The following GLIS3 variants were observed in gnomAD, a reference collection of about 807,000 sequenced individuals.
GLIS3 encodes the protein GLIS family zinc finger 3.
GLIS3 carries 53 observed loss-of-function variants against 78.6 expected under a neutral mutation model. The ratio of observed to expected loss-of-function variants is 0.67; its 90% CI spans 0.54 to 0.85. GLIS3 has a LOEUF of 0.85. Ranked by LOEUF, GLIS3 falls within the 40% of genes least tolerant of loss-of-function variation. The pLI is 0.00. For missense variants in GLIS3, 1,703 were observed against 1,231.1 expected, an observed-to-expected ratio of 1.38 and a Z score of -5.74; for synonymous variants, 684 against 509.9, an observed-to-expected ratio of 1.34 and a Z score of -4.60.
At chr9:4,277,454 C>T (rs1307899879) in intron 2 of GLIS3, among the ~76,000 whole-genome samples, 1 of 152,194 alleles carries the variant, frequency 6.6e-6, no homozygotes, top group Non-Finnish European at 1.5e-5. Context: ...CCCAGGTTCT[C>T]ACAATACATT....
chr9:3,969,205 G>C (rs962794630), intron 4 of GLIS3, among the ~76,000 whole-genome samples: 1 of 152,202 alleles, frequency 6.6e-6, no homozygotes, highest in Admixed American at 6.5e-5. Context: ...AGGTAAAACA[G>C]ACGATTAATT....
At chr9:4,466,664 A>T in the GLIS3 span, among the ~76,000 whole-genome samples, 4 of 152,202 alleles carry the variant, frequency 2.6e-5, no homozygotes, top group Non-Finnish European at 5.9e-5. Context: ...AACTAGGTGG[A>T]GGTTCCAAGA....
chr9:4,055,887 G>T (rs555139600), intron 4 of GLIS3, among the ~76,000 whole-genome samples: 3 of 152,310 alleles, frequency 2.0e-5, no homozygotes, highest in South Asian at 2.1e-4. Context: ...GTAAAATTGG[G>T]TTGAATGAAC....
intron 2 of GLIS3, among the ~76,000 whole-genome samples, chr9:4,224,589 C>T (rs1171903334): frequency 1.3e-5 from 2 of 152,168 alleles, no homozygotes; most frequent in African/African-American, 2.4e-5. Flanking sequence ...AAATCCAGAA[C>T]CAAATCTCTG....
intron 9 of GLIS3, among the ~76,000 whole-genome samples, chr9:3,847,157 C>G (rs1020796122): frequency 2.0e-5 from 3 of 152,076 alleles, no homozygotes; most frequent in African/African-American, 7.2e-5. Context: ...GTACTCCAGC[C>G]TGGGCGACAG....
At chr9:3,831,140 AT>A (rs1178248566) in intron 9 of GLIS3, among the ~76,000 whole-genome samples, 1 of 151,730 alleles carries the variant, frequency 6.6e-6, no homozygotes, top group Non-Finnish European at 1.5e-5. Context: ...TTTATATAGA[AT>A]CAAAAGAAAA....
intron 6 of GLIS3, among the ~76,000 whole-genome samples, chr9:3,931,825 T>C (rs1241788593): frequency 6.6e-6 from 1 of 152,192 alleles, no homozygotes; most frequent in Non-Finnish European, 1.5e-5. Context: ...TTCAATTCCT[T>C]TTTCAGATTT....
intron 4 of GLIS3, among the ~76,000 whole-genome samples, chr9:3,959,384 C>G (rs1817383242): frequency 6.6e-6 from 1 of 152,164 alleles, no homozygotes; most frequent in Non-Finnish European, 1.5e-5. Flanking sequence ...TTTATAAGCC[C>G]CCTAGTCTGT....
At chr9:3,953,592 A>G (rs753780056) in intron 4 of GLIS3, among the ~76,000 whole-genome samples, 4 of 152,202 alleles carry the variant, frequency 2.6e-5, no homozygotes, top group Non-Finnish European at 4.4e-5. Flanking sequence ...ATTTCTTTGT[A>G]CAAATGGTTT....
the GLIS3 span, among the ~76,000 whole-genome samples, chr9:4,371,438 G>C: frequency 6.6e-6 from 1 of 152,176 alleles, no homozygotes; most frequent in African/African-American, 2.4e-5. Flanking sequence ...TTGAACTTCT[G>C]TATGTGGCCT....
intron 2 of GLIS3, among the ~76,000 whole-genome samples, chr9:4,328,371 C>T (rs545924578): frequency 6.6e-6 from 1 of 152,284 alleles, no homozygotes; most frequent in Admixed American, 6.5e-5. Context: ...TAACCAGCAG[C>T]AGATAGAGGT....
chr9:3,985,116 T>C (rs936140925), intron 4 of GLIS3, among the ~76,000 whole-genome samples: 7 of 152,108 alleles, frequency 4.6e-5, no homozygotes, highest in African/African-American at 1.4e-4. Flanking sequence ...AAAACCCATT[T>C]TTCCTCACCA....
At chr9:4,257,554 T>C (rs1329195226) in intron 2 of GLIS3, among the ~76,000 whole-genome samples, 1 of 144,898 alleles carries the variant, frequency 6.9e-6, no homozygotes, top group African/African-American at 2.6e-5. Context: ...GCTTGACAAA[T>C]TAACATGTAT....
chr9:4,125,146 AAC>A (rs1257039077), intron 3 of GLIS3, among the ~76,000 whole-genome samples: 1 of 152,234 alleles, frequency 6.6e-6, no homozygotes, highest in Admixed American at 6.5e-5. Flanking sequence ...ATGTAACTCA[AAC>A]ACAAAAGTAT....
chr9:3,871,497 C>A (rs1226501950), intron 8 of GLIS3, among the ~76,000 whole-genome samples: 1 of 152,218 alleles, frequency 6.6e-6, no homozygotes, highest in East Asian at 1.9e-4. Flanking sequence ...CATTTCCACA[C>A]ATCTTCTGAA....
intron 4 of GLIS3, among the ~76,000 whole-genome samples, chr9:4,011,986 A>G (rs896355235): frequency 6.6e-6 from 1 of 152,164 alleles, no homozygotes; most frequent in Non-Finnish European, 1.5e-5. Context: ...GGGGAGGGGG[A>G]GGTATTAGAG....
chr9:4,125,803 T>G lies in GLIS3; in HGVS notation c.527A>C (p.Asn176Thr). The G allele has an allele frequency of 1.2e-6, 2 of 1,614,144 alleles. No homozygotes were observed. Among genetic ancestry groups the G allele is most frequent in the Non-Finnish European group, 1.7e-6 (2 of 1,180,000 alleles). The change falls in exon 3 of 11, where the codon AAC becomes ACC. Residue 176 changes from asparagine to threonine, a missense_variant. Coordinates refer to ENST00000381971, the MANE Select transcript of GLIS3 (RefSeq NM_001042413.2). ...CCTCTGTAAGCTAGGACTGATCTGG[T>G]TGCATGCTGTAGAGACCTGGCTTGC... is the stretch of plus-strand genomic sequence containing the variant. ...PPASQVSTACNQISPSLQRAM... is the reference protein window; with the variant it reads ...PPASQVSTACTQISPSLQRAM...
intron 10 of GLIS3, 38 bp from the exon 11 acceptor site, chr9:3,828,446 GC>G: frequency 6.2e-7 from 1 of 1,610,382 alleles, no homozygotes; most frequent in East Asian, 2.2e-5. Context: ...AGTAACTCCT[GC>G]CCCATGCCAC....
intron 8 of GLIS3, among the ~76,000 whole-genome samples, chr9:3,869,772 C>T (rs1820855966): frequency 6.6e-6 from 1 of 152,126 alleles, no homozygotes; most frequent in Non-Finnish European, 1.5e-5. Flanking sequence ...GTATGGAGGT[C>T]ACCAGGAAAC....
Sources: allele counts gnomAD v4.1 joint callset (sites outside exome capture counted in the v4.1 genomes callset), GRCh38; gene constraint gnomAD v4.1.1; transcripts MANE v1.5; gene names NCBI Gene and HGNC (gene_info 2026-07-23, HGNC 2026-07-21).